DDX60: variants seen among roughly 807,000 people sequenced by gnomAD.
DDX60 encodes the protein DExD/H-box helicase 60.
DDX60 carries 165 observed loss-of-function variants against 212.8 expected under a neutral mutation model. The ratio of observed to expected loss-of-function variants is 0.78; its 90% CI spans 0.68 to 0.88. The LOEUF is 0.88. DDX60 is among the 40% of genes least tolerant of loss of function. DDX60 has a pLI of 0.00. For synonymous variants in DDX60, 703 were observed against 685.3 expected, an observed-to-expected ratio of 1.03 and a Z score of -0.40; for missense variants, 1,905 against 2,003.9, an observed-to-expected ratio of 0.95 and a Z score of 0.94.
intron 19 of DDX60, among the ~76,000 whole-genome samples, chr4:168,271,186 T>C (rs1735081969): frequency 6.6e-6 from 1 of 152,186 alleles, no homozygotes; most frequent in Non-Finnish European, 1.5e-5. Context: ...CCAATAAATA[T>C]TCCAAATAAT....
In DDX60 at chr4:168,267,588, T is replaced by G. The variant is rs1734902325; in HGVS notation, c.3033A>C (p.Thr1011=). The change falls in exon 22 of 38, where the codon ACA becomes ACC. Residue 1011 remains threonine, a synonymous_variant. Transcript: ENST00000393743. ...DHFHPCAALT[T]DHIERYGFPP... ...TGGCTAAAATATTACCTACATGATC[T>G]GTTGTTAGTGCAGCACATGGGTGAA... 1 of 1,538,774 alleles carries G rather than the reference T, an allele frequency of 6.5e-7. No individual in the cohort carries two copies. Among genetic ancestry groups the G allele is most frequent in the Non-Finnish European group, 8.8e-7 (1 of 1,137,684 alleles).
intron 29 of DDX60, among the ~76,000 whole-genome samples, chr4:168,247,819 T>C (rs1197528071): frequency 3.3e-5 from 5 of 152,194 alleles, no homozygotes; most frequent in Non-Finnish European, 5.9e-5. Flanking sequence ...GAGTGCAAAA[T>C]CTTGTGCACA....
At chr4:168,245,311 T>C (rs895021181) in intron 30 of DDX60, among the ~76,000 whole-genome samples, 2 of 152,202 alleles carry the variant, frequency 1.3e-5, no homozygotes, top group Admixed American at 1.3e-4. Context: ...GGCTCCTCTA[T>C]GTAAAACATT....
intron 33 of DDX60, among the ~76,000 whole-genome samples, chr4:168,232,007 T>A (rs1270977545): frequency 3.3e-5 from 5 of 152,006 alleles, no homozygotes; most frequent in Non-Finnish European, 1.5e-5. Flanking sequence ...ATAAATGAAT[T>A]CAGTAAAGTT....
At chr4:168,230,060 C>G (rs922840577) in intron 33 of DDX60, among the ~76,000 whole-genome samples, 2 of 151,926 alleles carry the variant, frequency 1.3e-5, no homozygotes, top group African/African-American at 4.8e-5. Flanking sequence ...CAAAAGCAAG[C>G]AGGAGTAGCT....
chr4:168,289,688 T>C (rs757934534), intron 8 of DDX60, among the ~76,000 whole-genome samples: 4 of 152,184 alleles, frequency 2.6e-5, no homozygotes, highest in African/African-American at 2.4e-5. Flanking sequence ...CCATTGATCC[T>C]TCCCCACTAA....
intron 19 of DDX60, among the ~76,000 whole-genome samples, chr4:168,271,420 C>T (rs979482130): frequency 5.9e-5 from 9 of 152,184 alleles, no homozygotes; most frequent in African/African-American, 2.2e-4. Flanking sequence ...TTTCCATTGG[C>T]TCCTTTCCTG....
At position 168,246,631 on chromosome 4, in the gene DDX60, T is replaced by C. The variant is rs371226950; in HGVS notation, c.3964-13A>G. The C allele has an allele frequency of 5.6e-6, 9 of 1,613,518 alleles. No homozygotes were observed. Among genetic ancestry groups the C allele is most frequent in the Admixed American group, 3.3e-5 (2 of 59,936 alleles). On this transcript the variant is annotated splice_polypyrimidine_tract_variant and intron_variant, in intron 29 of 37. Transcript: ENST00000393743. ...CACGGCCAGACATCTGAAAAGAGAA[T>C]AGAATTACAATGTAAAACTTCCCTA...
intron 1 of DDX60, among the ~76,000 whole-genome samples, chr4:168,313,270 T>C (rs1290319475): frequency 1.3e-5 from 2 of 152,124 alleles, no homozygotes; most frequent in Non-Finnish European, 2.9e-5. Flanking sequence ...GTGAGAGATA[T>C]AGAGAATTAC....
At position 168,216,878 on chromosome 4, in the gene DDX60, T is replaced by C. The variant is rs773918250; in HGVS notation, c.*55A>G. ...GCAAGAAGCATAAGAATCAAAAACG[T>C]GACCTGAAAAACTACTATGGAATTA... On this transcript the variant is annotated 3_prime_UTR_variant, in exon 38 of 38. Transcript: ENST00000393743. 34 of 1,111,730 alleles carry C rather than the reference T, an allele frequency of 3.1e-5. No individual in the cohort carries two copies. Among genetic ancestry groups the C allele is most frequent in the Non-Finnish European group, 4.2e-5 (32 of 767,154 alleles). The allele number at this position is 1,111,730 out of a possible 1,614,324, so 68.9% of individuals were successfully genotyped here. A position where few individuals can be genotyped will look rare whatever the true frequency, so the allele number is the denominator to read the frequency against.
chr4:168,274,488 C>A (rs767667322), intron 16 of DDX60, among the ~76,000 whole-genome samples: 14 of 152,098 alleles, frequency 9.2e-5, no homozygotes, highest in South Asian at 4.1e-4. Context: ...AGAAGAATGC[C>A]AGGATGAGAG....
At chr4:168,325,801 T>C in the DDX60 span, among the ~76,000 whole-genome samples, 1 of 152,246 alleles carries the variant, frequency 6.6e-6, no homozygotes, top group Non-Finnish European at 1.5e-5. Context: ...GCAACTGTCT[T>C]CAGTGGTTGG....
intron 1 of DDX60, among the ~76,000 whole-genome samples, chr4:168,311,799 A>G (rs1022333264): frequency 6.6e-6 from 1 of 152,162 alleles, no homozygotes; most frequent in Non-Finnish European, 1.5e-5. Context: ...CAAGAGAAAT[A>G]GAAGGACATG....
chr4:168,220,947 G>C (rs1733030039), intron 36 of DDX60, among the ~76,000 whole-genome samples: 1 of 152,056 alleles, frequency 6.6e-6, no homozygotes, highest in African/African-American at 2.4e-5. Context: ...AAAATAGGAG[G>C]CTGGCCATCT....
At chr4:168,311,174 G>A (rs1362360521) in intron 2 of DDX60, 82 bp downstream of exon 2, 1 of 1,513,386 alleles carries the variant, frequency 6.6e-7, no homozygotes, top group Admixed American at 1.7e-5. Context: ...CAGTAATGTG[G>A]TTATTTTAAT....
chr4:168,272,719 A>G (rs553146776), intron 18 of DDX60, among the ~76,000 whole-genome samples: 123 of 152,318 alleles, frequency 8.1e-4, no homozygotes, highest in Non-Finnish European at 1.6e-3. Flanking sequence ...GCTGGCATCT[A>G]TCTTAACCAC....
chr4:168,272,241 T>C, intron 18 of DDX60, 103 bp from the exon 19 acceptor site: 6 of 838,376 alleles, frequency 7.2e-6, no homozygotes, highest in Non-Finnish European at 1.1e-5. Context: ...TGAATGTACC[T>C]GCTGATAATT....
At chr4:168,235,590 A>C (rs1446147755) in intron 33 of DDX60, among the ~76,000 whole-genome samples, 1 of 152,080 alleles carries the variant, frequency 6.6e-6, no homozygotes, top group Non-Finnish European at 1.5e-5. Context: ...TGGGATTAGA[A>C]AATATATACT....
chr4:168,238,236 C>CAAAAAAAA (rs57638327), intron 30 of DDX60, among the ~76,000 whole-genome samples: 1 of 80,892 alleles, frequency 1.2e-5, no homozygotes, highest in Non-Finnish European at 2.5e-5. Flanking sequence ...TATGAAATTC[C>CAAAAAAAA]AAAAAAAAAA....
Sources: allele counts gnomAD v4.1 joint callset (sites outside exome capture counted in the v4.1 genomes callset), GRCh38; gene constraint gnomAD v4.1.1; transcripts MANE v1.5; gene names NCBI Gene and HGNC (gene_info 2026-07-23, HGNC 2026-07-21).